TTC21A: variants seen among roughly 807,000 people sequenced by gnomAD.
The protein encoded by TTC21A is tetratricopeptide repeat domain 21A.
A neutral mutation model predicts 156.4 loss-of-function variants in TTC21A; 128 were observed. The observed-to-expected ratio is 0.82, with a 90% confidence interval of 0.71 to 0.95. The LOEUF (loss-of-function observed/expected upper bound fraction) is 0.95. TTC21A is among the 40% of genes least tolerant of loss of function. The probability of loss-of-function intolerance (pLI) is 0.00; values close to 1 mark genes in which losing one functional copy is unlikely to be tolerated. For missense variants in TTC21A, 1,435 were observed against 1,602.3 expected (o/e 0.90, Z 1.78); for synonymous variants, 587 against 617.1 (o/e 0.95, Z 0.72).
intron 3 of TTC21A, 32 bp from the exon 4 acceptor site, chr3:39,110,819 C>G (rs753145568): frequency 6.2e-6 from 10 of 1,612,166 alleles, no homozygotes; most frequent in African/African-American, 1.3e-5. Context: ...CACATCCTAA[C>G]TCTCCCTCTT....
rs1052816908 is a variant in TTC21A, at chr3:39,130,547, G to T, written c.2320-154G>T. ...TGCTGACCACACCTGCTTAAGCTGA[G>T]GGTTACACCCTGTGCCAGCTGGGAG... On this transcript the variant is annotated intron_variant, in intron 17 of 28. Transcript: ENST00000683103. This position sits in a 1 kb window ranked among gnomAD's most constrained non-coding sequence, Gnocchi z 4.5. 1 of 1,074,842 alleles carries T rather than the reference G, an allele frequency of 9.3e-7. No individual in the cohort carries two copies. The highest frequency in any genetic ancestry group is 1.6e-5 in the African/African-American group (1 of 63,378). The allele number at this position is 1,074,842 out of a possible 1,614,324, so 66.6% of individuals were successfully genotyped here. A position where few individuals can be genotyped will look rare whatever the true frequency, so the allele number is the denominator to read the frequency against.
chr3:39,123,853 C>A (rs1006603616), intron 9 of TTC21A, among the ~76,000 whole-genome samples: 10 of 151,922 alleles, frequency 6.6e-5, no homozygotes, highest in South Asian at 4.1e-4. Flanking sequence ...ATCACCCCCC[C>A]CAAAAAAACC....
At position 39,136,426 on chromosome 3, in the gene TTC21A, CCTT is replaced by C; in HGVS notation, c.3018_3020del (p.Phe1007del). On this transcript the variant is annotated inframe_deletion, in exon 23 of 29. Coordinates refer to ENST00000683103, the MANE Select transcript of TTC21A (RefSeq NM_001366900.1). The stretch of plus-strand genomic sequence containing the variant: ...AGTGGAAAACTTGAAGACATTCCTG[CCTT>C]CTTTGAATTGGCCAAGAAGGTGTCT... The C allele has an allele frequency of 6.2e-7, 1 of 1,614,222 alleles. No individual in the cohort carries two copies. The highest frequency in any genetic ancestry group is 1.7e-5 in the Admixed American group (1 of 60,026).
At chr3:39,138,466 C>A (rs1298606010) in intron 27 of TTC21A, 79 bp downstream of exon 27, 1 of 1,613,364 alleles carries the variant, frequency 6.2e-7, no homozygotes, top group African/African-American at 1.3e-5. Flanking sequence ...GACCCCAGAA[C>A]TCAAGGCCTG....
intron 9 of TTC21A, among the ~76,000 whole-genome samples, chr3:39,124,595 G>T (rs1467682691): frequency 5.8e-5 from 8 of 138,934 alleles, no homozygotes; most frequent in Non-Finnish European, 1.1e-4. Context: ...AGGGGCGGAG[G>T]TTGCAGTGAG....
chr3:39,119,435 T>C (rs2037555228), intron 7 of TTC21A: 1 of 152,546 alleles, frequency 6.6e-6, no homozygotes, highest in Non-Finnish European at 1.5e-5. Flanking sequence ...CTGACTTACA[T>C]TTGATTCATG....
At chr3:39,116,836 T>C (rs1478547372) in intron 6 of TTC21A, among the ~76,000 whole-genome samples, 1 of 152,234 alleles carries the variant, frequency 6.6e-6, no homozygotes, top group East Asian at 1.9e-4. Flanking sequence ...TGCTATTGTA[T>C]TCTAACTTTT....
chr3:39,123,741 A>G (rs1052840189), intron 9 of TTC21A, among the ~76,000 whole-genome samples: 5 of 152,200 alleles, frequency 3.3e-5, no homozygotes, highest in Non-Finnish European at 7.3e-5. Flanking sequence ...AAAGCTTAAA[A>G]TTACTACATG....
intron 6 of TTC21A, 48 bp from the exon 7 acceptor site, chr3:39,118,021 T>C (rs1170072671): frequency 2.4e-5 from 34 of 1,391,648 alleles, no homozygotes; most frequent in Non-Finnish European, 3.5e-5. Flanking sequence ...CCATCCCAGC[T>C]TTGCCTATCA....
chr3:39,138,413 T>G, intron 27 of TTC21A, 26 bp downstream of exon 27: 1 of 1,613,782 alleles, frequency 6.2e-7, no homozygotes, highest in Non-Finnish European at 8.5e-7. Flanking sequence ...AGGGTGCACG[T>G]GAATGGACGT....
At position 39,130,034 on chromosome 3, in the gene TTC21A, G is replaced by T. The variant is rs369964493; in HGVS notation, c.2136-45G>T. The T allele has an allele frequency of 6.3e-7, 1 of 1,586,262 alleles. No homozygotes were observed. The highest frequency in any genetic ancestry group is 1.1e-5 in the South Asian group (1 of 89,542). On this transcript the variant is annotated intron_variant, in intron 15 of 28. Transcript: ENST00000683103. This position sits in a 1 kb window ranked among gnomAD's most constrained non-coding sequence, Gnocchi z 4.5. ...AAGGAGATGATTTCAGGAACATGAG[G>T]TGTGTGCGAACCTGGGATAAGCTTT...
At chr3:39,137,140 G>A (rs1323532215) in intron 24 of TTC21A, 55 bp from the exon 25 acceptor site, 10 of 1,599,440 alleles carry the variant, frequency 6.3e-6, no homozygotes, top group Non-Finnish European at 8.5e-6. Flanking sequence ...GCCAGGTGAG[G>A]GCCACACGGG....
At chr3:39,128,293 G>C in intron 12 of TTC21A, 38 bp from the exon 13 acceptor site, 6 of 1,606,180 alleles carry the variant, frequency 3.7e-6, no homozygotes, top group Non-Finnish European at 5.1e-6. Context: ...AGGAGCCCTT[G>C]GGAACCCTGC....
chr3:39,132,271 C>T (rs886799411), intron 19 of TTC21A, among the ~76,000 whole-genome samples: 5 of 152,208 alleles, frequency 3.3e-5, no homozygotes, highest in East Asian at 1.9e-4. Context: ...TTATGCAGCA[C>T]GTGACTGTAC....
At chr3:39,112,997 A>G (rs879272630) in intron 5 of TTC21A, among the ~76,000 whole-genome samples, 16 of 151,954 alleles carry the variant, frequency 1.1e-4, no homozygotes, top group Non-Finnish European at 1.9e-4. Flanking sequence ...AGGGAGGTAT[A>G]TATTTTATAT....
Position 39,138,712 on chromosome 3 carries a change from T to C in TTC21A, c.3866T>C (p.Val1289Ala). The C allele has an allele frequency of 6.2e-7, 1 of 1,614,108 alleles. No homozygotes were observed. Among genetic ancestry groups the C allele is most frequent in the Non-Finnish European group, 8.5e-7 (1 of 1,180,010 alleles). Residue 1289 changes from valine (V) to alanine (A), a missense_variant and splice_region_variant, in exon 29 of 29, where the codon GTC becomes GCC. By Grantham distance (64) the Val-to-Ala change is moderately conservative. Transcript: ENST00000683103. ...FVEAIEICNDVLREHPDYPKI... is the reference protein window; with the variant it reads ...FVEAIEICNDALREHPDYPKI... ...ACACCCATTCTCTCTCTGTTCCAGG[T>C]CCTCAGGGAGCACCCCGACTACCCC... is the stretch of plus-strand genomic sequence containing the variant.
At position 39,125,379 on chromosome 3, in the gene TTC21A, G is replaced by A. The variant is rs1410914215; in HGVS notation, c.1239G>A (p.Gly413=). The stretch of plus-strand genomic sequence containing the variant: ...TCCTGATGTCCAGGAAGCACAAGGG[G>A]GAGGAAGAGACCACAGCGCTCCTGA... ...QALLMSRKHK[G]EEETTALLKE... The change falls in exon 11 of 29, where the codon GGG becomes GGA. Residue 413 remains glycine, a synonymous_variant. Coordinates refer to ENST00000683103, the MANE Select transcript of TTC21A (RefSeq NM_001366900.1). The A allele has an allele frequency of 6.2e-7, 1 of 1,614,058 alleles. No homozygotes were observed. The highest frequency in any genetic ancestry group is 8.5e-7 in the Non-Finnish European group (1 of 1,180,042).
In TTC21A at chr3:39,110,963, C is replaced by G. The variant is rs1160518727; in HGVS notation, c.381C>G (p.Asp127Glu). The part of the protein sequence containing the change: ...GLFLWLIGRH[D>E]KAKEYIDRML... The stretch of plus-strand genomic sequence containing the variant: ...TCCTCTGGCTCATAGGCCGCCATGA[C>G]AAGGCCAAAGAGTACATTGACCGCA... Residue 127 changes from aspartate to glutamate, a missense_variant, in exon 4 of 29, where the codon GAC (aspartate) becomes GAG (glutamate). Asp to Glu is a conservative substitution (Grantham distance 45). Transcript: ENST00000683103. The G allele has an allele frequency of 1.2e-6, 2 of 1,613,988 alleles. No homozygotes were observed. Among genetic ancestry groups the G allele is most frequent in the Admixed American group, 1.7e-5 (1 of 60,022 alleles).
chr3:39,115,450 C>T (rs2037205540), intron 6 of TTC21A, among the ~76,000 whole-genome samples: 1 of 152,140 alleles, frequency 6.6e-6, no homozygotes, highest in Non-Finnish European at 1.5e-5. Flanking sequence ...TGCTTGAGCC[C>T]AGAAGTTCAA....
Sources: allele counts gnomAD v4.1 joint callset (sites outside exome capture counted in the v4.1 genomes callset), GRCh38; gene constraint gnomAD v4.1.1; non-coding constraint Gnocchi (gnomAD v3.1); transcripts MANE v1.5; gene names NCBI Gene and HGNC (gene_info 2026-07-23, HGNC 2026-07-21).